ABCF3: variants seen among roughly 807,000 people sequenced by gnomAD.
The protein encoded by ABCF3 is ATP-binding cassette sub-family F member 3.
A neutral mutation model predicts 94.3 loss-of-function variants in ABCF3; 62 were observed. That is an observed-to-expected ratio of 0.66 (90% CI 0.54 to 0.81). ABCF3 has a LOEUF of 0.81. ABCF3 is among the 40% of genes least tolerant of loss of function. The pLI is 0.00. For missense variants in ABCF3, 843 were observed against 925.3 expected, an observed-to-expected ratio of 0.91 and a Z score of 1.15; for synonymous variants, 355 against 361.1, an observed-to-expected ratio of 0.98 and a Z score of 0.19.
intron 16 of ABCF3, among the ~76,000 whole-genome samples, chr3:184,191,762 T>TTTTTTTTTTTTTTTC (rs1716043261): frequency 1.3e-5 from 2 of 150,380 alleles, no homozygotes; most frequent in Non-Finnish European, 3.0e-5. Flanking sequence ...TTTTTTTTTT[T>TTTTTTTTTTTTTTTC]TCGGAGACAG....
At chr3:184,187,051 A>C in intron 3 of ABCF3, 176 bp downstream of exon 3, 1 of 690,064 alleles carries the variant, frequency 1.4e-6, no homozygotes, top group South Asian at 2.0e-5. Context: ...AGGAGGTTGG[A>C]GGGTTCTCCC....
At chr3:184,191,355 G>A (rs28673709) in intron 16 of ABCF3, 100 bp downstream of exon 16, 303,563 of 1,568,560 alleles carry the variant, frequency 0.19, 30,638 homozygotes, top group African/African-American at 0.26. Flanking sequence ...GACGAGGTCT[G>A]TGGAACAGGA....
chr3:184,192,518 CTT>C lies in ABCF3; in HGVS notation c.1570-79_1570-78del, dbSNP rs1418670080. On this transcript the variant is annotated intron_variant, in intron 16 of 20. Transcript: ENST00000429586. ...GCTCTCTACTTCTATGTGCTCAACA[CTT>C]TTTAGTGCCCACATATGAATGAGAA... 2.3e-6 allele frequency: 3 copies of C among 1,315,840 alleles called. No individual in the cohort carries two copies. The African/African-American group carries it at 4.5e-5, about 20-fold the overall frequency. The allele number at this position is 1,315,840 out of a possible 1,614,324, so 81.5% of individuals were successfully genotyped here.
Position 184,187,874 on chromosome 3 carries a change from G to C in ABCF3, c.460G>C (p.Ala154Pro). 1 of 1,614,160 alleles carries C rather than the reference G, an allele frequency of 6.2e-7. No individual in the cohort carries two copies. Among genetic ancestry groups the C allele is most frequent in the Non-Finnish European group, 8.5e-7 (1 of 1,180,040 alleles). Residue 154 changes from alanine to proline, a missense_variant, in exon 6 of 21, where the codon GCA becomes CCA. Ala to Pro is a conservative substitution (Grantham distance 27). Transcript: ENST00000429586. ...KTSNPLVLEEASASQAGSRKE... is the reference protein window; with the variant it reads ...KTSNPLVLEEPSASQAGSRKE... Reference sequence around the variant, plus strand: ...CTCCCTTTAAAGAGTCTTAGAAGAGGCATCAGCCAGCCAGGCAGGCAGCAG... The same window carrying C: ...CTCCCTTTAAAGAGTCTTAGAAGAGCCATCAGCCAGCCAGGCAGGCAGCAG...
At chr3:184,189,972 C>G (rs373435436) in intron 14 of ABCF3, 41 bp downstream of exon 14, 168 of 1,605,002 alleles carry the variant, frequency 1.0e-4, no homozygotes, top group Admixed American at 3.3e-5. Context: ...CTCCTGTTCT[C>G]TTCGTCTCCT....
rs1715639573 is a variant in ABCF3 at position 184,186,645 on chromosome 3, C to T, written c.212C>T (p.Thr71Ile). The T allele has an allele frequency of 2.5e-6, 4 of 1,608,954 alleles. No homozygotes were observed. In the African/African-American group the frequency reaches 4.0e-5, roughly 16 times the overall value. Residue 71 changes from threonine (T) to isoleucine (I), a missense_variant, in exon 2 of 21, where the codon ACT becomes ATT. Coordinates refer to ENST00000429586, the MANE Select transcript of ABCF3 (RefSeq NM_018358.3). ...IRAVCQRMYN[T>I]LRLAEPQSQG... is the part of the protein sequence containing the mutation. ...GCCGTGTGCCAGCGCATGTACAACA[C>T]TCTGCGTCTGTATGTGCCAGGGAGT...
Position 184,189,155 on chromosome 3 carries a change from T to C in ABCF3, c.1034+11T>C. ...GGCCCTCTTTGCTAGGTGAGTCTCC[T>C]GGGCCAGTGTATGAAGCCCTATGGA... On this transcript the variant is annotated intron_variant, in intron 10 of 20. Transcript: ENST00000429586. 1 of 1,614,208 alleles carries C rather than the reference T, an allele frequency of 6.2e-7. No individual in the cohort carries two copies. Among genetic ancestry groups the C allele is most frequent in the Non-Finnish European group, 8.5e-7 (1 of 1,180,038 alleles).
Position 184,187,385 on chromosome 3 carries a change from T to G in ABCF3, c.302-12T>G. 1 of 1,613,990 alleles carries G rather than the reference T, an allele frequency of 6.2e-7. No homozygotes were observed. ...TCAGGGAGAAGGTGACTGCTTTTCTTATCGCTTACAGACTGTGGAACCAAA... is the reference window on the plus strand; with the variant it reads ...TCAGGGAGAAGGTGACTGCTTTTCTGATCGCTTACAGACTGTGGAACCAAA... On this transcript the variant is annotated splice_polypyrimidine_tract_variant and intron_variant, in intron 3 of 20. Coordinates refer to ENST00000429586, the MANE Select transcript of ABCF3 (RefSeq NM_018358.3).
chr3:184,186,758 A>T, intron 2 of ABCF3, 38 bp from the exon 3 acceptor site: 1 of 1,603,226 alleles, frequency 6.2e-7, no homozygotes, highest in Non-Finnish European at 8.5e-7. Flanking sequence ...CTTTTCCCTC[A>T]ACTCCTAACT....
At position 184,193,046 on chromosome 3, in the gene ABCF3, G is replaced by A. The variant is rs1177623872; in HGVS notation, c.1751-56G>A. 27 of 1,539,782 alleles carry A rather than the reference G, an allele frequency of 1.8e-5. No homozygotes were observed. In the East Asian group the frequency reaches 3.6e-4, roughly 21 times the overall value. ...TGGGGACTTGGAGGTGTGGCTGGAG[G>A]GCACAGGGAGGGTGTTGGGCCAAGA... On this transcript the variant is annotated intron_variant, in intron 18 of 20. Coordinates refer to ENST00000429586, the MANE Select transcript of ABCF3 (RefSeq NM_018358.3). The surrounding 1 kb of genome is among the most constrained non-coding windows in gnomAD (Gnocchi z 5.2).
intron 2 of ABCF3, 44 bp from the exon 3 acceptor site, chr3:184,186,752 T>C: frequency 1.2e-6 from 2 of 1,601,970 alleles, no homozygotes; most frequent in Non-Finnish European, 8.5e-7. Flanking sequence ...ATAGAGCTTT[T>C]CCCTCAACTC....
chr3:184,192,217 C>T (rs928332336), intron 16 of ABCF3, among the ~76,000 whole-genome samples: 1 of 152,150 alleles, frequency 6.6e-6, no homozygotes, highest in Non-Finnish European at 1.5e-5. Context: ...TGCATGTATA[C>T]AATGTGTAAT....
In ABCF3 at chr3:184,193,093, CT is replaced by C; in HGVS notation, c.1751-5del. The C allele has an allele frequency of 2.0e-6, 3 of 1,534,606 alleles. No individual in the cohort carries two copies. The highest frequency in any genetic ancestry group is 2.6e-6 in the Non-Finnish European group (3 of 1,142,256). On this transcript the variant is annotated splice_region_variant and splice_polypyrimidine_tract_variant and intron_variant, in intron 18 of 20. Coordinates refer to ENST00000429586, the MANE Select transcript of ABCF3 (RefSeq NM_018358.3). The surrounding 1 kb of genome is among the most constrained non-coding windows in gnomAD (Gnocchi z 5.2). The stretch of plus-strand genomic sequence containing the variant: ...AAGAAGCCACCTGATCTGGGGAGTC[CT>C]TTTCCAGGGCGGCCTGAGGAGGAGT...
rs377021121 is a variant in ABCF3, at chr3:184,193,151, C to T, written c.1800C>T (p.Ser600=). 118 of 1,564,140 alleles carry T rather than the reference C, an allele frequency of 7.5e-5. No homozygotes were observed. The highest frequency in any genetic ancestry group is 2.5e-4 in the East Asian group (11 of 44,556). ...ACCAGCTGGGTCGGTATGGCATCTCCGGAGAACTGGCCATGCGTCCTCTTG... is the reference window on the plus strand; with the variant it reads ...ACCAGCTGGGTCGGTATGGCATCTCTGGAGAACTGGCCATGCGTCCTCTTG... ...YRHQLGRYGI[S]GELAMRPLAS... is the part of the protein sequence containing the mutation. Residue 600 remains serine (S), a synonymous_variant, in exon 19 of 21, where the codon TCC becomes TCT. Coordinates refer to ENST00000429586, the MANE Select transcript of ABCF3 (RefSeq NM_018358.3). This position sits in a 1 kb window ranked among gnomAD's most constrained non-coding sequence, Gnocchi z 5.2.
Position 184,186,273 on chromosome 3 carries a change from C to T in ABCF3, c.66C>T (p.Tyr22=). 2 of 1,614,218 alleles carry T rather than the reference C, an allele frequency of 1.2e-6. No homozygotes were observed. Among genetic ancestry groups the T allele is most frequent in the African/African-American group, 1.3e-5 (1 of 75,072 alleles). Residue 22 remains tyrosine (Y), a synonymous_variant, in exon 1 of 21, where the codon TAC becomes TAT. Coordinates refer to ENST00000429586, the MANE Select transcript of ABCF3 (RefSeq NM_018358.3). The part of the protein sequence containing the change: ...FPEIDGQVFD[Y]VTGVLHSGSA... ...AAATTGACGGACAAGTCTTCGACTA[C>T]GTGACCGGTAAGCAGAACTGAATCG...
At chr3:184,192,377 C>T (rs982813511) in intron 16 of ABCF3, among the ~76,000 whole-genome samples, 9 of 152,086 alleles carry the variant, frequency 5.9e-5, no homozygotes. Flanking sequence ...GAACTTATTC[C>T]TCCATTCCTC....
intron 12 of ABCF3, 53 bp from the exon 13 acceptor site, chr3:184,189,504 C>A: frequency 1.2e-6 from 2 of 1,613,924 alleles, no homozygotes; most frequent in Non-Finnish European, 8.5e-7. Flanking sequence ...TACCTGGGGG[C>A]CTGAGAACTG....
In ABCF3 at chr3:184,193,618, G is replaced by A. The variant is rs373943822; in HGVS notation, c.2050G>A (p.Gly684Ser). 102 of 1,613,962 alleles carry A rather than the reference G, an allele frequency of 6.3e-5. No individual in the cohort carries two copies. The highest frequency in any genetic ancestry group is 9.3e-5 in the African/African-American group (7 of 74,894). Residue 684 changes from glycine (G) to serine (S), a missense_variant, in exon 21 of 21, where the codon GGC (glycine) becomes AGC (serine). Transcript: ENST00000429586. This position sits in a 1 kb window ranked among gnomAD's most constrained non-coding sequence, Gnocchi z 5.2. ...GGAGTTGTGGGTATGCGAAGGAGGC[G>A]GCGTCACCCGTGTGGAAGGAGGATT... ...CRELWVCEGG[G>S]VTRVEGGFDQ...
In ABCF3 at chr3:184,187,755, A is replaced by C. The variant is rs150836379; in HGVS notation, c.440A>C (p.Asn147Thr). Residue 147 changes from asparagine to threonine, a missense_variant, in exon 5 of 21, where the codon AAC becomes ACC. Physicochemically the swap from Asn to Thr is moderately conservative, Grantham distance 65. Coordinates refer to ENST00000429586, the MANE Select transcript of ABCF3 (RefSeq NM_018358.3). ...RSEKDTLKTS[N>T]PLVLEEASAS... Reference sequence around the variant, plus strand: ...GAGAAGGACACGCTCAAGACCAGCAACCCTCTGTGAGTGGGGGAAGCATGG... The same window carrying C: ...GAGAAGGACACGCTCAAGACCAGCACCCCTCTGTGAGTGGGGGAAGCATGG... The C allele has an allele frequency of 6.2e-7, 1 of 1,614,146 alleles. No homozygotes were observed. Among genetic ancestry groups the C allele is most frequent in the East Asian group, 2.2e-5 (1 of 44,880 alleles).
Sources: allele counts gnomAD v4.1 joint callset (sites outside exome capture counted in the v4.1 genomes callset), GRCh38; gene constraint gnomAD v4.1.1; non-coding constraint Gnocchi (gnomAD v3.1); transcripts MANE v1.5; gene names NCBI Gene and HGNC (gene_info 2026-07-23, HGNC 2026-07-21).